Variants in GMIP observed in about 807,000 individuals in gnomAD.
GMIP encodes the protein GEM interacting protein.
In GMIP, 54 loss-of-function variants were observed where a neutral mutation model predicts 105.3. The ratio of observed to expected loss-of-function variants is 0.51; its 90% CI spans 0.41 to 0.64. The LOEUF (loss-of-function observed/expected upper bound fraction) is 0.64. GMIP is among the 30% of genes least tolerant of loss of function. The pLI, the probability that GMIP is intolerant of heterozygous loss-of-function variation, is 0.00. For synonymous variants in GMIP, 541 were observed against 560.8 expected, an observed-to-expected ratio of 0.96 and a Z score of 0.50; for missense variants, 1,110 against 1,319.4, an observed-to-expected ratio of 0.84 and a Z score of 2.46.
Position 19,642,610 on chromosome 19 carries a change from G to A in GMIP, c.29C>T (p.Pro10Leu), listed in dbSNP as rs759792317. The A allele has an allele frequency of 1.3e-6, 2 of 1,587,950 alleles. No homozygotes were observed. Among genetic ancestry groups the A allele is most frequent in the Non-Finnish European group, 1.7e-6 (2 of 1,158,138 alleles). ...GTACCTCTTCCTGCCCTCAGGACCT[G>A]GGGGGAGTCCTAGGGGAGGGGAGTG... MDAAEPGLP[P>L]GPEGRKRYSD... is the part of the protein sequence containing the mutation. The change falls in exon 2 of 21, where the codon CCA (proline) becomes CTA (leucine). Residue 10 changes from proline (P) to leucine (L), a missense_variant. Transcript: ENST00000203556.
chr19:19,633,273 G>A lies in GMIP; in HGVS notation c.2472+530C>T, dbSNP rs573438181. 6.6e-5 allele frequency among the ~76,000 whole-genome samples: 10 copies of A among 152,208 alleles called. No homozygotes were observed. The South Asian group carries it at 2.1e-3, about 32-fold the overall frequency. ...AGGTTTCTCCTTATTGGTTGGATTA[G>A]TCTCGAACTCCTGACCTCAGGTGAT... On this transcript the variant is annotated intron_variant, in intron 19 of 20. Transcript: ENST00000203556.
chr19:19,642,233 A>G (rs2061929973), intron 2 of GMIP, among the ~76,000 whole-genome samples, 182 bp from the exon 3 acceptor site: 1 of 152,034 alleles, frequency 6.6e-6, no homozygotes, highest in African/African-American at 2.4e-5. Context: ...GACTTGAAAA[A>G]GCATCTGAAG....
rs770374512 is a variant in GMIP at position 19,643,524 on chromosome 19, G to A, written c.6C>T (p.Asp2=). The change falls in exon 1 of 21, where the codon GAC becomes GAT. Residue 2 remains aspartate (D), a synonymous_variant. Transcript: ENST00000203556. ...CCGACCCCCTACCCGGCTCTGCTGC[G>A]TCCATATCTGGGCCCGGGGATCGCT... M[D]AAEPGLPPGP... 1.9e-5 allele frequency: 29 copies of A among 1,547,862 alleles called. No homozygotes were observed. The highest frequency in any genetic ancestry group is 2.1e-5 in the Non-Finnish European group (24 of 1,145,502).
chr19:19,637,244 T>C lies in GMIP; in HGVS notation c.1124+121A>G. Reference sequence around the variant, plus strand: ...CACCCTCCTATGGCCCCCGAGAGCCTGGAGTACTAAATTCCACTAAGGCTT... The same window carrying C: ...CACCCTCCTATGGCCCCCGAGAGCCCGGAGTACTAAATTCCACTAAGGCTT... On this transcript the variant is annotated intron_variant, in intron 11 of 20. Transcript: ENST00000203556. This position sits in a 1 kb window ranked among gnomAD's most constrained non-coding sequence, Gnocchi z 6.7. 1.3e-6 allele frequency: 1 copy of C among 746,830 alleles called. No homozygotes were observed. The highest frequency in any genetic ancestry group is 2.7e-5 in the East Asian group (1 of 36,476). The allele number at this position is 746,830 out of a possible 1,614,324, so 46.3% of individuals were successfully genotyped here.
intron 4 of GMIP, among the ~76,000 whole-genome samples, chr19:19,641,186 TTCTCCTGCCTCAGCC>T (rs1213113561): frequency 1.3e-5 from 2 of 152,168 alleles, no homozygotes; most frequent in Non-Finnish European, 2.9e-5. Context: ...GTTCCCGCCA[TTCTCCTGCCTCAGCC>T]TCCCGAGTAT....
At chr19:19,642,919 G>A (rs1281964928) in intron 1 of GMIP, among the ~76,000 whole-genome samples, 1 of 152,078 alleles carries the variant, frequency 6.6e-6, no homozygotes, top group East Asian at 1.9e-4. Context: ...GAAGAAAGCC[G>A]GTCTGACAAT....
Position 19,640,150 on chromosome 19 carries a change from G to A in GMIP, c.472C>T (p.His158Tyr), listed in dbSNP as rs765655070. The A allele has an allele frequency of 3.1e-6, 5 of 1,613,820 alleles. No individual in the cohort carries two copies. The South Asian group carries it at 4.4e-5, about 14-fold the overall frequency. The change falls in exon 7 of 21, where the codon CAC (histidine) becomes TAC (tyrosine). Residue 158 changes from histidine to tyrosine, a missense_variant. His to Tyr is a moderately conservative substitution (Grantham distance 83). Transcript: ENST00000203556. ...GCCAGGGTTCCCAGGCTGAGATCGT[G>A]CTCCAGAAACAGGGTGTAGATGTAC... The part of the protein sequence containing the change: ...LQYIYTLFLE[H>Y]DLSLGTLAME...
chr19:19,633,775 C>T (rs777428830), intron 19 of GMIP, 28 bp downstream of exon 19: 70 of 1,421,020 alleles, frequency 4.9e-5, no homozygotes, highest in Non-Finnish European at 6.4e-5. Context: ...AGGCCCTCTC[C>T]ATAGCTGTGG....
At chr19:19,638,528 A>G (rs760159209) in intron 7 of GMIP, 46 bp from the exon 8 acceptor site, 6 of 1,501,466 alleles carry the variant, frequency 4.0e-6, no homozygotes, top group African/African-American at 2.8e-5. Flanking sequence ...CTTAGGGCCA[A>G]CCCAGAAGCA....
At position 19,638,019 on chromosome 19, in the gene GMIP, G is replaced by A. The variant is rs369361400; in HGVS notation, c.828C>T (p.Arg276=). 4 of 1,604,668 alleles carry A rather than the reference G, an allele frequency of 2.5e-6. No individual in the cohort carries two copies. The Admixed American group carries it at 6.8e-5, about 27-fold the overall frequency. Residue 276 remains arginine, a synonymous_variant, in exon 10 of 21, where the codon CGC becomes CGT. Transcript: ENST00000203556. ...GGTCCTGCTGCCGCGCGTTGGCCTC[G>A]CGGACACAGGCCTGGTACAGCGCCT... ...EAEALYQACV[R]EANARQQDLE...
Position 19,629,627 on chromosome 19 carries a change from C to T in GMIP, c.*336G>A, listed in dbSNP as rs2061771140. On this transcript the variant is annotated 3_prime_UTR_variant, in exon 21 of 21. Coordinates refer to ENST00000203556, the MANE Select transcript of GMIP (RefSeq NM_016573.4). ...GACCACAACCAAAGTAGCAAAAGCA[C>T]CCCTGTCCCAGGTGTCAGAGACTAG... 2 of 270,918 alleles carry T rather than the reference C, an allele frequency of 7.4e-6. No individual in the cohort carries two copies. Among genetic ancestry groups the T allele is most frequent in the African/African-American group, 2.2e-5 (1 of 44,790 alleles). 16.8% of individuals were successfully genotyped at this position (270,918 alleles called of 1,614,324 possible).
At chr19:19,641,372 CG>C (rs1568419801) in intron 4 of GMIP, among the ~76,000 whole-genome samples, 3 of 152,008 alleles carry the variant, frequency 2.0e-5, no homozygotes, top group Non-Finnish European at 2.9e-5. Flanking sequence ...TGAGCCACTG[CG>C]TCCGGCCTTG....
rs2061838185 is a variant in GMIP at position 19,634,971 on chromosome 19, G to A, written c.1750-42C>T. Reference sequence around the variant, plus strand: ...AAAAACAGACACCTGGTTCGTGATAGGCCATCGATTCGGTCAGGTCACTTC... The same window carrying A: ...AAAAACAGACACCTGGTTCGTGATAAGCCATCGATTCGGTCAGGTCACTTC... On this transcript the variant is annotated intron_variant, in intron 16 of 20. Coordinates refer to ENST00000203556, the MANE Select transcript of GMIP (RefSeq NM_016573.4). This position sits in a 1 kb window ranked among gnomAD's most constrained non-coding sequence, Gnocchi z 6.1. 6.2e-7 allele frequency: 1 copy of A among 1,613,478 alleles called. No individual in the cohort carries two copies. Among genetic ancestry groups the A allele is most frequent in the Middle Eastern group, 1.7e-4 (1 of 6,060 alleles).
chr19:19,630,150 C>G lies in GMIP; in HGVS notation c.2726G>C (p.Arg909Pro), dbSNP rs201307068. 6 of 1,604,148 alleles carry G rather than the reference C, an allele frequency of 3.7e-6. No homozygotes were observed. In the South Asian group the frequency reaches 5.5e-5, roughly 15 times the overall value. ...PITSVPRGSL[R>P]GRGPSPAAAS... is the part of the protein sequence containing the mutation. ...AGCTGCAGGGCTGGGCCCCCGCCCC[C>G]GCAAACTCCCTCTGGGCACTGATGT... The change falls in exon 21 of 21, where the codon CGG becomes CCG. Residue 909 changes from arginine (R) to proline (P), a missense_variant. Physicochemically the swap from Arg to Pro is moderately radical, Grantham distance 103 (BLOSUM62 -2). This residue lies in a region of GMIP where 394 missense variants were observed against 450.5 expected (regional missense o/e 0.87). Coordinates refer to ENST00000203556, the MANE Select transcript of GMIP (RefSeq NM_016573.4). The surrounding 1 kb of genome is among the most constrained non-coding windows in gnomAD (Gnocchi z 4.8).
Position 19,638,059 on chromosome 19 carries a change from T to A in GMIP, c.790-2A>T. ...GTACAGCGCCTCGGCCTCCTGCGCCTGGGGAAACGGGAGGCCAGGAGCGGG... is the reference window on the plus strand; with the variant it reads ...GTACAGCGCCTCGGCCTCCTGCGCCAGGGGAAACGGGAGGCCAGGAGCGGG... On this transcript the variant is annotated splice_acceptor_variant, in intron 9 of 20. Coordinates refer to ENST00000203556, the MANE Select transcript of GMIP (RefSeq NM_016573.4). LOFTEE classifies it high-confidence loss of function. 1 of 1,560,320 alleles carries A rather than the reference T, an allele frequency of 6.4e-7. No individual in the cohort carries two copies. The highest frequency in any genetic ancestry group is 8.7e-7 in the Non-Finnish European group (1 of 1,155,148).
chr19:19,633,739 G>A, intron 19 of GMIP, 64 bp downstream of exon 19: 1 of 1,161,024 alleles, frequency 8.6e-7, no homozygotes, highest in Non-Finnish European at 1.1e-6. Flanking sequence ...AGGTGAAAGA[G>A]AAGGTAAGAG....
chr19:19,630,748 C>T lies in GMIP; in HGVS notation c.2473-211G>A, dbSNP rs1294653028. Among the ~76,000 whole-genome samples the T allele has an allele frequency of 6.6e-6, 1 of 152,162 alleles. No homozygotes were observed. The highest frequency in any genetic ancestry group is 1.5e-5 in the Non-Finnish European group (1 of 68,022). On this transcript the variant is annotated intron_variant, in intron 19 of 20. Transcript: ENST00000203556. The surrounding 1 kb of genome is among the most constrained non-coding windows in gnomAD (Gnocchi z 4.8). ...GGAAGTGAGACCAAAGAGGAGTGGG[C>T]CCAGGTGGCTCTGCCAGCCACCCCT...
Position 19,634,007 on chromosome 19 carries a change from G to A in GMIP, c.2268C>T (p.Ile756=). 2 of 1,611,156 alleles carry A rather than the reference G, an allele frequency of 1.2e-6. No individual in the cohort carries two copies. Among genetic ancestry groups the A allele is most frequent in the Non-Finnish European group, 1.7e-6 (2 of 1,177,934 alleles). Residue 756 remains isoleucine (I), a synonymous_variant, in exon 19 of 21, where the codon ATC becomes ATT. Transcript: ENST00000203556. The surrounding 1 kb of genome is among the most constrained non-coding windows in gnomAD (Gnocchi z 6.1). ...VEFLIVHYEQ[I]FGMDELPQAT... ...CCTGGGGGAGCTCATCCATCCCAAA[G>A]ATCTGCTCGTAGTGCACGATGAGGA...
Position 19,640,573 on chromosome 19 carries a change from T to C in GMIP, c.239-2A>G. ...TGAGCCGCAAGTCCAGTTCCTCCCC[T>C]GGGGAAGATGGATGGACCTCTGACC... On this transcript the variant is annotated splice_acceptor_variant, in intron 4 of 20. Transcript: ENST00000203556. LOFTEE classifies it high-confidence loss of function. 1 of 1,613,852 alleles carries C rather than the reference T, an allele frequency of 6.2e-7. No homozygotes were observed. Among genetic ancestry groups the C allele is most frequent in the Non-Finnish European group, 8.5e-7 (1 of 1,179,970 alleles).
Sources: gnomAD v4.1 joint callset for allele counts (sites outside exome capture counted in the v4.1 genomes callset) on GRCh38, gnomAD v4.1.1 for gene constraint, gnomAD v4.1.1 regional missense constraint, Gnocchi (gnomAD v3.1) non-coding constraint, MANE v1.5 for transcripts, NCBI Gene and HGNC (gene_info 2026-07-23, HGNC 2026-07-21) for gene names.